Variants in TNRC6A observed in about 807,000 individuals in gnomAD.
TNRC6A encodes trinucleotide repeat-containing gene 6A protein.
Under a neutral mutation model 221.2 loss-of-function variants are expected in TNRC6A, and 44 were observed. The ratio of observed to expected loss-of-function variants is 0.20; its 90% confidence interval spans 0.16 to 0.26. The LOEUF (loss-of-function observed/expected upper bound fraction) is 0.26, where lower values mean the gene tolerates loss of function less well. Among genes scored for constraint, TNRC6A ranks in the 10% least tolerant of loss-of-function variants. TNRC6A has a pLI of 1.00. For synonymous variants in TNRC6A, 847 were observed against 838.5 expected, an observed-to-expected ratio of 1.01 and a Z score of -0.18; for missense variants, 2,199 against 2,404.4, an observed-to-expected ratio of 0.91 and a Z score of 1.79.
intron 2 of TNRC6A, among the ~76,000 whole-genome samples, chr16:24,644,243 C>T (rs1224604455): frequency 1.2e-4 from 18 of 151,354 alleles, no homozygotes; most frequent in East Asian, 3.9e-4. Flanking sequence ...CCCGCCACCA[C>T]GCCCAGCTAA....
chr16:24,753,804 G>C (rs570576840), intron 3 of TNRC6A, among the ~76,000 whole-genome samples: 2 of 151,960 alleles, frequency 1.3e-5, no homozygotes, highest in Non-Finnish European at 2.9e-5. Context: ...TCTTATTTTT[G>C]AAAAAGGCCA....
chr16:24,730,122 C>T (rs2056590613), intron 1 of TNRC6A, 131 bp from the exon 2 acceptor site: 3 of 815,048 alleles, frequency 3.7e-6, no homozygotes, highest in Non-Finnish European at 5.3e-6. Context: ...GTGAGTCCCC[C>T]TCCCCCCGTC....
intron 2 of TNRC6A, among the ~76,000 whole-genome samples, chr16:24,743,477 C>T (rs1383312339): frequency 3.3e-5 from 5 of 152,040 alleles, no homozygotes; most frequent in Non-Finnish European, 7.4e-5. Flanking sequence ...AGGCATGCAC[C>T]ACCACACCCA....
intron 2 of TNRC6A, among the ~76,000 whole-genome samples, chr16:24,680,823 G>A (rs1042889755): frequency 6.6e-5 from 10 of 151,594 alleles, no homozygotes; most frequent in African/African-American, 1.9e-4. Flanking sequence ...GCAATGGCAC[G>A]ATTTCAGCTC....
At chr16:24,716,588 G>T (rs2056316617) in intron 2 of TNRC6A, among the ~76,000 whole-genome samples, 1 of 152,100 alleles carries the variant, frequency 6.6e-6, no homozygotes. Flanking sequence ...AGGGCCATTT[G>T]CACCTGGGAG....
At chr16:24,701,302 C>T (rs2142213304) in intron 2 of TNRC6A, among the ~76,000 whole-genome samples, 1 of 152,132 alleles carries the variant, frequency 6.6e-6, no homozygotes, top group East Asian at 1.9e-4. Context: ...GCATCTGGCT[C>T]TTCAATGCTC....
intron 2 of TNRC6A, among the ~76,000 whole-genome samples, chr16:24,737,048 T>TA (rs1567405954): frequency 6.6e-6 from 1 of 152,132 alleles, no homozygotes; most frequent in Non-Finnish European, 1.5e-5. Context: ...CCATTGAAAT[T>TA]AGAGTGGCAC....
intron 5 of TNRC6A, chr16:24,778,462 C>T (rs1378647134): frequency 1.2e-5 from 12 of 985,262 alleles, no homozygotes; most frequent in Non-Finnish European, 1.4e-5. Context: ...AGGAAGAGGA[C>T]ACAAATGTGA....
At chr16:24,673,458 A>G (rs1258689008) in intron 2 of TNRC6A, among the ~76,000 whole-genome samples, 1 of 152,230 alleles carries the variant, frequency 6.6e-6, no homozygotes, top group East Asian at 1.9e-4. Flanking sequence ...GCAAGGGGCC[A>G]TGTCCCAGGC....
Position 24,794,566 on chromosome 16 carries a change from C to T in TNRC6A, c.3375C>T (p.Gly1125=). 5.6e-6 allele frequency: 9 copies of T among 1,612,722 alleles called. No individual in the cohort carries two copies. The highest frequency in any genetic ancestry group is 7.6e-6 in the Non-Finnish European group (9 of 1,179,544). Residue 1125 remains glycine, a synonymous_variant, in exon 8 of 25, where the codon GGC becomes GGT. Coordinates refer to ENST00000395799, the MANE Select transcript of TNRC6A (RefSeq NM_014494.4). ...SKSGPKSMQD[G]WCGDDMPLPG... ...CAGGGCCAAAATCTATGCAAGATGGCTGGTGTGGTGATGATATGCCATTGC... is the reference window on the plus strand; with the variant it reads ...CAGGGCCAAAATCTATGCAAGATGGTTGGTGTGGTGATGATATGCCATTGC...
chr16:24,781,001 ATCT>A (rs2057830383), intron 5 of TNRC6A, among the ~76,000 whole-genome samples: 1 of 134,700 alleles, frequency 7.4e-6, no homozygotes, highest in Non-Finnish European at 1.5e-5. Context: ...ACAAACTCAG[ATCT>A]TCTCTATCCT....
chr16:24,636,556 A>T (rs1901646032), intron 1 of TNRC6A, among the ~76,000 whole-genome samples: 1 of 151,902 alleles, frequency 6.6e-6, no homozygotes, highest in African/African-American at 2.4e-5. Flanking sequence ...CTTTTTTTTG[A>T]CAGGGTCTCA....
intron 4 of TNRC6A, chr16:24,776,562 A>C: frequency 1.0e-6 from 1 of 985,496 alleles, no homozygotes; most frequent in African/African-American, 1.7e-5. Context: ...GGATTCCCTT[A>C]GGACTACTGA....
In TNRC6A at chr16:24,729,819, A is replaced by T; in HGVS notation, c.-23A>T. On this transcript the variant is annotated 5_prime_UTR_variant, in exon 1 of 25. Coordinates refer to ENST00000395799, the MANE Select transcript of TNRC6A (RefSeq NM_014494.4). The stretch of plus-strand genomic sequence containing the variant: ...TCGCGAGCCTCCTTCGCCGCGCCCC[A>T]CTTGCTCGTGCACTTTACACACATG... 7.1e-7 allele frequency: 1 copy of T among 1,404,346 alleles called. No individual in the cohort carries two copies. Among genetic ancestry groups the T allele is most frequent in the Non-Finnish European group, 9.3e-7 (1 of 1,072,080 alleles). 87.0% of individuals were successfully genotyped at this position (1,404,346 alleles called of 1,614,324 possible). A position where few individuals can be genotyped will look rare whatever the true frequency, so the allele number is the denominator to read the frequency against.
At chr16:24,799,813 A>G (rs2058296127) in intron 11 of TNRC6A, among the ~76,000 whole-genome samples, 1 of 152,200 alleles carries the variant, frequency 6.6e-6, no homozygotes, top group Non-Finnish European at 1.5e-5. Flanking sequence ...GGAGTTAAGT[A>G]ACCCAAACCT....
At chr16:24,709,117 C>T (rs867407072) in intron 2 of TNRC6A, among the ~76,000 whole-genome samples, 4 of 152,026 alleles carry the variant, frequency 2.6e-5, no homozygotes, top group African/African-American at 7.3e-5. Flanking sequence ...ATTAGCCGGG[C>T]GTGGTGGTGC....
At chr16:24,703,623 A>G (rs2056032601) in intron 2 of TNRC6A, among the ~76,000 whole-genome samples, 1 of 152,232 alleles carries the variant, frequency 6.6e-6, no homozygotes, top group African/African-American at 2.4e-5. Flanking sequence ...TTTTATTTAT[A>G]CCTTCATTCA....
intron 4 of TNRC6A, among the ~76,000 whole-genome samples, chr16:24,761,052 T>A (rs1403708249): frequency 6.6e-6 from 1 of 152,234 alleles, no homozygotes; most frequent in East Asian, 1.9e-4. Context: ...AGTCTGCCTA[T>A]TCCAGAATTC....
At chr16:24,760,180 A>G (rs563396692) in intron 4 of TNRC6A, among the ~76,000 whole-genome samples, 25 of 152,202 alleles carry the variant, frequency 1.6e-4, no homozygotes, top group Admixed American at 2.6e-4. Context: ...TGTCTTTATC[A>G]GGCCTTTCAG....
Sources: allele counts gnomAD v4.1 joint callset (sites outside exome capture counted in the v4.1 genomes callset), GRCh38; gene constraint gnomAD v4.1.1; transcripts MANE v1.5; gene names NCBI Gene and HGNC (gene_info 2026-07-23, HGNC 2026-07-21).